Variants in RARA observed in about 807,000 individuals in gnomAD.
The protein encoded by RARA is PML-DDX5-RARA fusion.
Under a neutral mutation model 42.8 loss-of-function variants are expected in RARA, and 5 were observed. The ratio of observed to expected loss-of-function variants is 0.12; its 90% confidence interval spans 0.06 to 0.25. RARA has a LOEUF of 0.25. Ranked by LOEUF, RARA falls within the 10% of genes least tolerant of loss-of-function variation. The probability of loss-of-function intolerance (pLI) is 1.00; values close to 1 mark genes in which losing one functional copy is unlikely to be tolerated. For synonymous variants in RARA, 256 were observed against 259.5 expected (o/e 0.99, Z 0.13); for missense variants, 402 against 628.7 (o/e 0.64, Z 3.86).
At chr17:40,335,921 T>C (rs956983750) in intron 2 of RARA, among the ~76,000 whole-genome samples, 12 of 152,084 alleles carry the variant, frequency 7.9e-5, no homozygotes, top group African/African-American at 2.4e-4. Flanking sequence ...GAGGATTGCA[T>C]GAGCCTGAGA....
chr17:40,341,511 G>A, intron 2 of RARA: 3 of 1,483,620 alleles, frequency 2.0e-6, no homozygotes, highest in Middle Eastern at 2.1e-4. Flanking sequence ...GCCTCCTGCC[G>A]CCGCTCTCCG....
Position 40,337,642 on chromosome 17 carries a change from T to C in RARA, c.178+6246T>C, listed in dbSNP as rs142093586. On this transcript the variant is annotated intron_variant, in intron 2 of 8. Transcript: ENST00000254066. ...TTCTTAATTTGTTTCAATTTGTGGA[T>C]GGAGGCAAAGAAGTTGCAAGCCATC... Among the ~76,000 whole-genome samples, 168 of 152,340 alleles carry C rather than the reference T, an allele frequency of 1.1e-3. 2 individuals are homozygous for C. The highest frequency in any genetic ancestry group is 3.8e-3 in the African/African-American group (157 of 41,582).
intron 2 of RARA, chr17:40,343,087 T>G (rs2034132455): frequency 1.2e-6 from 1 of 819,874 alleles, no homozygotes; most frequent in East Asian, 3.4e-5. Context: ...TGAGGAACTT[T>G]GAGAGTTCCT....
At chr17:40,315,167 T>C (rs990621568) in intron 1 of RARA, among the ~76,000 whole-genome samples, 7,769 of 115,806 alleles carry the variant, frequency 0.067, 985 homozygotes, top group African/African-American at 0.26. Flanking sequence ...TATATATATA[T>C]ATATACACAC....
chr17:40,311,137 C>T (rs552598864), intron 1 of RARA, among the ~76,000 whole-genome samples: 3 of 151,974 alleles, frequency 2.0e-5, no homozygotes, highest in African/African-American at 7.3e-5. Context: ...TCTCCCCTGC[C>T]CAGTGGCCTC....
At chr17:40,341,633 A>G (rs1342238541) in intron 2 of RARA, 1 of 1,345,704 alleles carries the variant, frequency 7.4e-7, no homozygotes, top group Non-Finnish European at 9.5e-7. Context: ...GGTCACTCGG[A>G]GGTGAGGCGC....
intron 2 of RARA, among the ~76,000 whole-genome samples, chr17:40,344,597 G>A (rs960572659): frequency 4.6e-5 from 7 of 152,202 alleles, no homozygotes; most frequent in Non-Finnish European, 7.3e-5. Context: ...AGTAGGACAG[G>A]CAGTGTATTG....
At chr17:40,319,053 G>C (rs945241050) in intron 1 of RARA, among the ~76,000 whole-genome samples, 1 of 152,212 alleles carries the variant, frequency 6.6e-6, no homozygotes, top group Non-Finnish European at 1.5e-5. Context: ...ACTTTTTGGG[G>C]TGAGGGGAAG....
rs111560227 is a variant in RARA at position 40,336,222 on chromosome 17, C to T, written c.178+4826C>T. On this transcript the variant is annotated intron_variant, in intron 2 of 8. Transcript: ENST00000254066. ...CCTCCTGAGTAGCTGGGATTACAGG[C>T]GCCCGCCACTATGCTGGACTAATTT... 7.2e-5 allele frequency among the ~76,000 whole-genome samples: 11 copies of T among 151,896 alleles called. No homozygotes were observed. The East Asian group carries it at 9.7e-4, about 13-fold the overall frequency.
At chr17:40,323,978 A>C (rs563762888) in intron 1 of RARA, among the ~76,000 whole-genome samples, 7 of 151,590 alleles carry the variant, frequency 4.6e-5, no homozygotes, top group Non-Finnish European at 1.0e-4. Context: ...AGCTGAGGGG[A>C]GGGGTGAGGG....
chr17:40,346,050 G>A (rs1325602120), intron 2 of RARA, among the ~76,000 whole-genome samples: 2 of 152,202 alleles, frequency 1.3e-5, no homozygotes, highest in Non-Finnish European at 2.9e-5. Context: ...CTGCCGTTGG[G>A]TGGGCTAAAA....
chr17:40,327,272 A>T (rs2033573291), intron 1 of RARA, among the ~76,000 whole-genome samples: 1 of 152,166 alleles, frequency 6.6e-6, no homozygotes, highest in Admixed American at 6.5e-5. Flanking sequence ...CCGACCCCCA[A>T]AGGCTGGGTC....
At position 40,354,328 on chromosome 17, in the gene RARA, G is replaced by T. The variant is rs749963678; in HGVS notation, c.834G>T (p.Thr278=). 4.9e-5 allele frequency: 79 copies of T among 1,613,988 alleles called. No individual in the cohort carries two copies. In the Admixed American group the frequency reaches 1.3e-3, roughly 26 times the overall value. ...ILILRICTRY[T]PEQDTMTFSD... ...TCCTGCGGATCTGCACGCGGTACAC[G>T]CCCGAGCAGGACACCATGACCTTCT... is the stretch of plus-strand genomic sequence containing the variant. Residue 278 remains threonine, a synonymous_variant, in exon 7 of 9, where the codon ACG becomes ACT. Coordinates refer to ENST00000254066, the MANE Select transcript of RARA (RefSeq NM_000964.4). This position sits in a 1 kb window ranked among gnomAD's most constrained non-coding sequence, Gnocchi z 4.5.
In RARA at chr17:40,345,591, G is replaced by C. The variant is rs7218938; in HGVS notation, c.179-2725G>C. Among the ~76,000 whole-genome samples the C allele has an allele frequency of 0.089, 13,488 of 152,298 alleles. 2,045 individuals carry two copies. The highest frequency in any genetic ancestry group is 0.31 in the African/African-American group (12,806 of 41,532). ...GCAGCGTCGGCGGGAGGGGACGCCT[G>C]GCTTCCTGGGTCAGTTCCAGTCCTC... On this transcript the variant is annotated intron_variant, in intron 2 of 8. Coordinates refer to ENST00000254066, the MANE Select transcript of RARA (RefSeq NM_000964.4). The surrounding 1 kb of genome is among the most constrained non-coding windows in gnomAD (Gnocchi z 4.8).
At chr17:40,342,711 G>C (rs1335560977) in intron 2 of RARA, 8 of 1,611,400 alleles carry the variant, frequency 5.0e-6, no homozygotes, top group Non-Finnish European at 6.8e-6. Flanking sequence ...AAAGATGTAC[G>C]AGAGTGTAGA....
intron 1 of RARA, among the ~76,000 whole-genome samples, chr17:40,314,626 A>T (rs1172226692): frequency 6.6e-6 from 1 of 150,970 alleles, no homozygotes; most frequent in African/African-American, 2.4e-5. Flanking sequence ...CAGAATGCTG[A>T]GGCCCATTCT....
At position 40,352,864 on chromosome 17, in the gene RARA, A is replaced by G. The variant is rs1297297118; in HGVS notation, c.807+357A>G. 6.6e-6 allele frequency among the ~76,000 whole-genome samples: 1 copy of G among 152,148 alleles called. No homozygotes were observed. The highest frequency in any genetic ancestry group is 6.5e-5 in the Admixed American group (1 of 15,284). Reference sequence around the variant, plus strand: ...CCGAGCGAGGCAGGAGGATCACTTGAGGCTGGAAGTTCAAGACCACCCTGG... The same window carrying G: ...CCGAGCGAGGCAGGAGGATCACTTGGGGCTGGAAGTTCAAGACCACCCTGG... On this transcript the variant is annotated intron_variant, in intron 6 of 8. Coordinates refer to ENST00000254066, the MANE Select transcript of RARA (RefSeq NM_000964.4). This position sits in a 1 kb window ranked among gnomAD's most constrained non-coding sequence, Gnocchi z 4.9.
intron 1 of RARA, among the ~76,000 whole-genome samples, chr17:40,325,247 T>C (rs1189321796): frequency 7.2e-6 from 1 of 139,806 alleles, no homozygotes; most frequent in Non-Finnish European, 1.6e-5. Context: ...TGAGACTCCA[T>C]CTCAAAAATA....
intron 1 of RARA, among the ~76,000 whole-genome samples, chr17:40,324,940 A>G (rs2033494355): frequency 1.3e-5 from 2 of 152,026 alleles, no homozygotes; most frequent in Admixed American, 1.3e-4. Flanking sequence ...CAGCCCTCCT[A>G]GGGAAGCCTC....
Sources: allele counts gnomAD v4.1 joint callset (sites outside exome capture counted in the v4.1 genomes callset), GRCh38; gene constraint gnomAD v4.1.1; non-coding constraint Gnocchi (gnomAD v3.1); transcripts MANE v1.5; gene names NCBI Gene and HGNC (gene_info 2026-07-23, HGNC 2026-07-21).